The following ADAMTSL1 variants were observed in gnomAD, a reference collection of about 807,000 sequenced individuals.
ADAMTSL1 encodes ADAMTS like 1.
In ADAMTSL1, 126 loss-of-function variants were observed where a neutral mutation model predicts 201.8. The ratio of observed to expected loss-of-function variants is 0.62; its 90% CI spans 0.54 to 0.72. The LOEUF (loss-of-function observed/expected upper bound fraction) is 0.72. ADAMTSL1 is among the 30% of genes least tolerant of loss of function. The pLI, the probability that ADAMTSL1 is intolerant of heterozygous loss-of-function variation, is 0.00. For missense variants in ADAMTSL1, 2,679 were observed against 2,277.8 expected, an observed-to-expected ratio of 1.18 and a Z score of -3.59; for synonymous variants, 1,121 against 903.4, an observed-to-expected ratio of 1.24 and a Z score of -4.32.
At chr9:18,793,470 T>G (rs1282238427) in intron 19 of ADAMTSL1, among the ~76,000 whole-genome samples, 81 of 152,288 alleles carry the variant, frequency 5.3e-4, no homozygotes, top group Admixed American at 5.3e-3. Flanking sequence ...CAGACCTGAC[T>G]TCCAGGCTTA....
chr9:18,575,966 T>C (rs894294827), intron 4 of ADAMTSL1, among the ~76,000 whole-genome samples: 6 of 152,116 alleles, frequency 3.9e-5, no homozygotes, highest in Non-Finnish European at 7.4e-5. Flanking sequence ...GCAGGCCTCA[T>C]GGTACCTTAG....
At chr9:17,915,653 G>A (rs939808787) in intron 1 of ADAMTSL1, among the ~76,000 whole-genome samples, 2 of 152,188 alleles carry the variant, frequency 1.3e-5, no homozygotes, top group Non-Finnish European at 2.9e-5. Context: ...TCAAAAGGTT[G>A]TACCCTTTTC....
intron 14 of ADAMTSL1, among the ~76,000 whole-genome samples, chr9:18,717,247 TAATAATA>T (rs1369427028): frequency 1.4e-5 from 2 of 146,980 alleles, no homozygotes; most frequent in Admixed American, 6.8e-5. Context: ...ATAATAATAA[TAATAATA>T]AATAAAATAA....
intron 2 of ADAMTSL1, among the ~76,000 whole-genome samples, chr9:18,216,834 A>T (rs1275939307): frequency 6.6e-6 from 1 of 152,010 alleles, no homozygotes; most frequent in South Asian, 2.1e-4. Context: ...ATAGTATTGC[A>T]TGGTAGTTGA....
At chr9:18,102,853 A>G (rs2131853389) in intron 1 of ADAMTSL1, among the ~76,000 whole-genome samples, 1 of 152,314 alleles carries the variant, frequency 6.6e-6, no homozygotes, top group South Asian at 2.1e-4. Context: ...TCGAAATAAT[A>G]GATTTGAATA....
chr9:18,231,491 C>T (rs899166815), intron 2 of ADAMTSL1, among the ~76,000 whole-genome samples: 1 of 152,170 alleles, frequency 6.6e-6, no homozygotes, highest in Non-Finnish European at 1.5e-5. Context: ...TCCTATTTTT[C>T]TGGTAGATGC....
chr9:18,583,879 A>G (rs1305367767), intron 4 of ADAMTSL1, among the ~76,000 whole-genome samples: 1 of 152,068 alleles, frequency 6.6e-6, no homozygotes, highest in East Asian at 1.9e-4. Context: ...TCCCATTTGG[A>G]ATGGCTGTAT....
chr9:18,898,189 A>T (rs538642963), intron 26 of ADAMTSL1, among the ~76,000 whole-genome samples: 20 of 152,286 alleles, frequency 1.3e-4, no homozygotes, highest in African/African-American at 4.6e-4. Flanking sequence ...ACTCCGTCTC[A>T]AAAAAAGAAG....
intron 1 of ADAMTSL1, among the ~76,000 whole-genome samples, chr9:17,953,768 A>G (rs1827824387): frequency 6.6e-6 from 1 of 152,202 alleles, no homozygotes; most frequent in Non-Finnish European, 1.5e-5. Flanking sequence ...CTATTGCTGC[A>G]AAACGAACCA....
intron 1 of ADAMTSL1, among the ~76,000 whole-genome samples, chr9:18,075,157 C>A (rs1228360553): frequency 6.6e-6 from 1 of 152,094 alleles, no homozygotes; most frequent in East Asian, 1.9e-4. Flanking sequence ...GGGAAAACCA[C>A]TTTCCTTTGA....
At chr9:18,645,995 A>G (rs894565372) in intron 7 of ADAMTSL1, among the ~76,000 whole-genome samples, 8 of 152,080 alleles carry the variant, frequency 5.3e-5, no homozygotes, top group Non-Finnish European at 8.8e-5. Context: ...GGCCATTTTC[A>G]TGATACTGAT....
At chr9:18,458,361 C>T (rs1417831787) in intron 2 of ADAMTSL1, among the ~76,000 whole-genome samples, 1 of 152,130 alleles carries the variant, frequency 6.6e-6, no homozygotes, top group African/African-American at 2.4e-5. Context: ...ATTTTCTGTT[C>T]TACTCTGAAC....
At chr9:18,329,491 A>G (rs1024282884) in intron 2 of ADAMTSL1, among the ~76,000 whole-genome samples, 3 of 152,204 alleles carry the variant, frequency 2.0e-5, no homozygotes, top group African/African-American at 7.2e-5. Context: ...TGTCCACTAC[A>G]AGAATGTTAA....
intron 23 of ADAMTSL1, among the ~76,000 whole-genome samples, chr9:18,865,402 G>C (rs1236672380): frequency 6.6e-6 from 1 of 152,092 alleles, no homozygotes; most frequent in Non-Finnish European, 1.5e-5. Context: ...TGTATTCCAT[G>C]GTGTATATGT....
At chr9:18,194,694 G>C (rs187255065) in intron 2 of ADAMTSL1, among the ~76,000 whole-genome samples, 107 of 152,152 alleles carry the variant, frequency 7.0e-4, no homozygotes, top group Non-Finnish European at 5.9e-5. Flanking sequence ...TGTACAAATT[G>C]ATATTTGTAG....
At chr9:18,264,477 G>A (rs1354739878) in intron 2 of ADAMTSL1, among the ~76,000 whole-genome samples, 1 of 152,130 alleles carries the variant, frequency 6.6e-6, no homozygotes, top group Non-Finnish European at 1.5e-5. Flanking sequence ...ATAACAACCT[G>A]TAGGGGCTGG....
chr9:18,750,216 A>G (rs71506901), intron 15 of ADAMTSL1, among the ~76,000 whole-genome samples: 9,997 of 152,218 alleles, frequency 0.066, 445 homozygotes, highest in South Asian at 0.13. Context: ...GTGACTTTTC[A>G]TAAAATGGAC....
chr9:18,232,893 T>C (rs549176336), intron 2 of ADAMTSL1, among the ~76,000 whole-genome samples: 1 of 152,330 alleles, frequency 6.6e-6, no homozygotes, highest in South Asian at 2.1e-4. Flanking sequence ...ATTTTATAAA[T>C]AGAATGGATT....
chr9:17,957,300 C>G (rs1227829660), intron 1 of ADAMTSL1, among the ~76,000 whole-genome samples: 1 of 152,140 alleles, frequency 6.6e-6, no homozygotes, highest in Admixed American at 6.5e-5. Flanking sequence ...GTCCAGAAAC[C>G]CTTTCTGACT....
Sources: allele counts gnomAD v4.1 joint callset (sites outside exome capture counted in the v4.1 genomes callset), GRCh38; gene constraint gnomAD v4.1.1; transcripts MANE v1.5; gene names NCBI Gene and HGNC (gene_info 2026-07-23, HGNC 2026-07-21).